CFAP20DC: variants seen among roughly 807,000 people sequenced by gnomAD.
The protein encoded by CFAP20DC is protein CFAP20DC.
In CFAP20DC, 84 loss-of-function variants were observed where a neutral mutation model predicts 101.7. The observed-to-expected ratio is 0.83, with a 90% confidence interval of 0.69 to 0.99. The LOEUF is 0.99. Ranked by LOEUF, CFAP20DC falls within the 50% of genes least tolerant of loss-of-function variation. The probability of loss-of-function intolerance (pLI) is 0.00; values close to 1 mark genes in which losing one functional copy is unlikely to be tolerated. For synonymous variants in CFAP20DC, 359 were observed against 351.2 expected, an observed-to-expected ratio of 1.02 and a Z score of -0.25; for missense variants, 1,007 against 970.3, an observed-to-expected ratio of 1.04 and a Z score of -0.50.
At chr3:58,862,198 A>G (rs2108458454) in intron 12 of CFAP20DC, 1 of 984,212 alleles carries the variant, frequency 1.0e-6, no homozygotes, top group South Asian at 4.7e-5. Flanking sequence ...ATGCTTTTGC[A>G]TTAGTAAGAG....
intron 15 of CFAP20DC, among the ~76,000 whole-genome samples, chr3:58,787,018 CT>C (rs2107608244): frequency 6.6e-6 from 1 of 151,600 alleles, no homozygotes; most frequent in African/African-American, 2.4e-5. Flanking sequence ...AATGTACCCC[CT>C]GTAGATAAGG....
chr3:58,777,671 T>C (rs115113622), intron 15 of CFAP20DC, among the ~76,000 whole-genome samples: 123 of 152,276 alleles, frequency 8.1e-4, no homozygotes, highest in African/African-American at 2.7e-3. Flanking sequence ...GACTTAAATA[T>C]TATCTTGTTC....
intron 7 of CFAP20DC, among the ~76,000 whole-genome samples, chr3:58,881,085 T>C (rs1405632783): frequency 6.6e-6 from 1 of 152,196 alleles, no homozygotes; most frequent in East Asian, 1.9e-4. Context: ...GAAGAATTTT[T>C]AGTAAGGATT....
chr3:58,935,127 T>C (rs1653316766), intron 5 of CFAP20DC, among the ~76,000 whole-genome samples: 2 of 152,050 alleles, frequency 1.3e-5, no homozygotes, highest in African/African-American at 2.4e-5. Context: ...TATATACCAA[T>C]AACAGACAAT....
intron 4 of CFAP20DC, among the ~76,000 whole-genome samples, chr3:59,009,138 G>A (rs992392258): frequency 6.6e-5 from 10 of 152,000 alleles, no homozygotes; most frequent in African/African-American, 2.4e-4. Context: ...CTGGTCCTTA[G>A]GAGAGGAAAA....
intron 16 of CFAP20DC, among the ~76,000 whole-genome samples, chr3:58,743,039 T>C (rs2067965747): frequency 6.6e-6 from 1 of 152,020 alleles, no homozygotes; most frequent in African/African-American, 2.4e-5. Flanking sequence ...CAAACAAATA[T>C]GAATTAAAAT....
chr3:58,781,506 A>C (rs2071822608), intron 15 of CFAP20DC, among the ~76,000 whole-genome samples: 1 of 152,032 alleles, frequency 6.6e-6, no homozygotes, highest in South Asian at 2.1e-4. Context: ...CAACAAAACA[A>C]AAAGTTGGCT....
intron 5 of CFAP20DC, among the ~76,000 whole-genome samples, chr3:58,932,653 A>G (rs1262190526): frequency 3.3e-5 from 5 of 152,200 alleles, no homozygotes; most frequent in Non-Finnish European, 7.3e-5. Flanking sequence ...TCAACCCAGA[A>G]TTTCATATCC....
At chr3:58,930,234 T>TC (rs1173677628) in intron 5 of CFAP20DC, among the ~76,000 whole-genome samples, 3 of 152,064 alleles carry the variant, frequency 2.0e-5, no homozygotes, top group African/African-American at 7.2e-5. Context: ...CCTCCACTGC[T>TC]CCCCCGACTG....
At chr3:58,941,525 A>G (rs1203887301) in intron 4 of CFAP20DC, among the ~76,000 whole-genome samples, 1 of 151,886 alleles carries the variant, frequency 6.6e-6, no homozygotes, top group Non-Finnish European at 1.5e-5. Context: ...CGGAGTGAAT[A>G]AAGACTGTTT....
chr3:58,919,381 G>A (rs1378280797), intron 5 of CFAP20DC, among the ~76,000 whole-genome samples: 1 of 151,950 alleles, frequency 6.6e-6, no homozygotes, highest in East Asian at 1.9e-4. Flanking sequence ...GTTGTTTATT[G>A]GTATCTGTGC....
At chr3:58,737,447 T>C (rs768856476), downstream of CFAP20DC, among the ~76,000 whole-genome samples, 1 of 152,136 alleles carries the variant, frequency 6.6e-6, no homozygotes, top group Non-Finnish European at 1.5e-5. The surrounding 1 kb of genome is among the most constrained non-coding windows in gnomAD (Gnocchi z 4.1). Context: ...GGAGGAGTGA[T>C]CTACAGCAGC....
chr3:58,739,015 C>T (rs2107113469), downstream of CFAP20DC, among the ~76,000 whole-genome samples: 1 of 152,044 alleles, frequency 6.6e-6, no homozygotes, highest in South Asian at 2.1e-4. Context: ...CAGTTTGCGC[C>T]TAAAGAAGGA....
At chr3:58,858,074 C>T (rs2078979742) in intron 12 of CFAP20DC, among the ~76,000 whole-genome samples, 1 of 152,168 alleles carries the variant, frequency 6.6e-6, no homozygotes, top group South Asian at 2.1e-4. Flanking sequence ...AAAACCTGTA[C>T]AGCAATTGAA....
intron 6 of CFAP20DC, among the ~76,000 whole-genome samples, chr3:58,891,368 A>T (rs1190800686): frequency 2.0e-5 from 3 of 151,406 alleles, no homozygotes; most frequent in Non-Finnish European, 3.0e-5. Flanking sequence ...GCAGCAGTAC[A>T]GTCCAGCTTC....
chr3:58,895,309 T>A (rs1177600206), intron 6 of CFAP20DC, among the ~76,000 whole-genome samples: 2 of 152,224 alleles, frequency 1.3e-5, no homozygotes, highest in Non-Finnish European at 2.9e-5. Context: ...ACTGAATGCC[T>A]TTAACAGCAC....
intron 4 of CFAP20DC, among the ~76,000 whole-genome samples, chr3:58,938,827 G>C (rs1344252641): frequency 1.3e-5 from 2 of 152,008 alleles, no homozygotes; most frequent in African/African-American, 4.8e-5. Context: ...AATTAGGTAA[G>C]ATGATTTCAG....
chr3:59,041,766 T>G (rs982049645), intron 3 of CFAP20DC, among the ~76,000 whole-genome samples: 2 of 152,152 alleles, frequency 1.3e-5, no homozygotes, highest in Non-Finnish European at 2.9e-5. Flanking sequence ...CTGTTCATCA[T>G]GGGCTATTCC....
chr3:59,047,358 C>T (rs1699945790), intron 1 of CFAP20DC, 104 bp from the exon 2 acceptor site: 6 of 726,222 alleles, frequency 8.3e-6, no homozygotes, highest in African/African-American at 1.8e-5. Context: ...TTAAGCTGAT[C>T]TGGGATGAAA....
Sources: gnomAD v4.1 joint callset for allele counts (sites outside exome capture counted in the v4.1 genomes callset) on GRCh38, gnomAD v4.1.1 for gene constraint, Gnocchi (gnomAD v3.1) non-coding constraint, MANE v1.5 for transcripts, NCBI Gene and HGNC (gene_info 2026-07-23, HGNC 2026-07-21) for gene names.